Variants in CDH12 observed in about 807,000 individuals in gnomAD.
CDH12 encodes the protein cadherin 12.
A neutral mutation model predicts 74.1 loss-of-function variants in CDH12; 41 were observed. The observed-to-expected ratio is 0.55, with a 90% CI of 0.43 to 0.72. The LOEUF is 0.72. CDH12 is among the 30% of genes least tolerant of loss of function. The pLI, the probability that CDH12 is intolerant of heterozygous loss-of-function variation, is 0.00. For missense variants in CDH12, 945 were observed against 977.2 expected, an observed-to-expected ratio of 0.97 and a Z score of 0.44; for synonymous variants, 399 against 355.0, an observed-to-expected ratio of 1.12 and a Z score of -1.39.
intron 3 of CDH12, among the ~76,000 whole-genome samples, chr5:22,383,122 C>T (rs1477093886): frequency 6.6e-5 from 10 of 152,162 alleles, no homozygotes; most frequent in Non-Finnish European, 7.3e-5. Context: ...TGAGCCACTG[C>T]GCCCAGTCTC....
At chr5:22,438,307 G>A (rs1744488154) in intron 2 of CDH12, among the ~76,000 whole-genome samples, 2 of 151,940 alleles carry the variant, frequency 1.3e-5, no homozygotes, top group African/African-American at 2.4e-5. Flanking sequence ...ATGTAAAGAA[G>A]CTCCAATTCT....
At chr5:22,318,608 G>T (rs1451703264) in intron 3 of CDH12, among the ~76,000 whole-genome samples, 1 of 152,170 alleles carries the variant, frequency 6.6e-6, no homozygotes, top group Non-Finnish European at 1.5e-5. Context: ...CCAAGTAACA[G>T]GAATCAAGCT....
At chr5:21,871,321 A>G (rs991969861) in intron 6 of CDH12, among the ~76,000 whole-genome samples, 13 of 152,318 alleles carry the variant, frequency 8.5e-5, no homozygotes, top group African/African-American at 3.1e-4. Context: ...CCTCATTTGC[A>G]GAAAAGGTGA....
At chr5:22,137,791 A>G (rs1484797874) in intron 4 of CDH12, among the ~76,000 whole-genome samples, 2 of 152,084 alleles carry the variant, frequency 1.3e-5, no homozygotes, top group African/African-American at 4.8e-5. Context: ...ATAATTGCTT[A>G]AACAAAACTG....
At chr5:22,463,371 A>T (rs1373430581) in intron 2 of CDH12, among the ~76,000 whole-genome samples, 1 of 152,152 alleles carries the variant, frequency 6.6e-6, no homozygotes, top group African/African-American at 2.4e-5. Flanking sequence ...GTAAATTTAA[A>T]TATAGTCATA....
intron 1 of CDH12, among the ~76,000 whole-genome samples, chr5:22,823,374 A>T (rs1749827066): frequency 6.6e-6 from 1 of 152,084 alleles, no homozygotes; most frequent in South Asian, 2.1e-4. Flanking sequence ...CCTAAAACTT[A>T]AAGTATAATA....
intron 1 of CDH12, among the ~76,000 whole-genome samples, chr5:22,809,906 A>G (rs1749051413): frequency 1.3e-5 from 2 of 152,132 alleles, no homozygotes; most frequent in African/African-American, 4.8e-5. Flanking sequence ...CAATAAATAT[A>G]CTAATTCAAG....
At chr5:22,428,298 G>A (rs115753502) in intron 2 of CDH12, among the ~76,000 whole-genome samples, 110 of 151,766 alleles carry the variant, frequency 7.2e-4, no homozygotes, top group African/African-American at 2.5e-3. Context: ...TATCTATAGC[G>A]GAAACTCTCA....
At chr5:22,502,654 A>G (rs1291706187) in intron 2 of CDH12, among the ~76,000 whole-genome samples, 2 of 138,742 alleles carry the variant, frequency 1.4e-5, no homozygotes, top group Non-Finnish European at 3.2e-5. Flanking sequence ...ACACACACGC[A>G]CACACAGACA....
chr5:22,039,898 G>T (rs957408814), intron 5 of CDH12, among the ~76,000 whole-genome samples: 1 of 151,680 alleles, frequency 6.6e-6, no homozygotes, highest in African/African-American at 2.4e-5. Flanking sequence ...AGATATCAAG[G>T]TGGTGACATG....
At chr5:22,693,124 G>A (rs1176573447) in intron 1 of CDH12, among the ~76,000 whole-genome samples, 1 of 151,866 alleles carries the variant, frequency 6.6e-6, no homozygotes, top group Non-Finnish European at 1.5e-5. Context: ...TAGCTGGGAT[G>A]ACAAGCACAC....
intron 2 of CDH12, among the ~76,000 whole-genome samples, chr5:22,435,463 T>C (rs986986026): frequency 6.7e-6 from 1 of 149,938 alleles, no homozygotes; most frequent in Non-Finnish European, 1.5e-5. Flanking sequence ...CACAAATGTG[T>C]GTGTACACAC....
intron 3 of CDH12, among the ~76,000 whole-genome samples, chr5:22,384,320 T>C (rs889953106): frequency 9.9e-5 from 15 of 150,868 alleles, no homozygotes; most frequent in Admixed American, 7.3e-4. Flanking sequence ...GTCAGGAGAT[T>C]GAGACCATCC....
At chr5:22,577,649 T>C (rs761034887) in intron 1 of CDH12, among the ~76,000 whole-genome samples, 4 of 152,196 alleles carry the variant, frequency 2.6e-5, no homozygotes, top group Non-Finnish European at 4.4e-5. Flanking sequence ...AGAATGAGAT[T>C]GTATCTTCAA....
At position 22,494,196 on chromosome 5, in the gene CDH12, C is replaced by T. The variant is rs74367382; in HGVS notation, c.-428+11074G>A. 6.6e-5 allele frequency among the ~76,000 whole-genome samples: 10 copies of T among 152,296 alleles called. No individual in the cohort carries two copies. In the East Asian group the frequency reaches 1.7e-3, roughly 27 times the overall value. On this transcript the variant is annotated intron_variant, in intron 2 of 14. Transcript: ENST00000382254. Reference sequence around the variant, plus strand: ...AATGTCGAATCTGAGCCAGGGTCACCGTCTGTGCAGTTGGTGTGTTCTCCC... The same window carrying T: ...AATGTCGAATCTGAGCCAGGGTCACTGTCTGTGCAGTTGGTGTGTTCTCCC...
intron 3 of CDH12, among the ~76,000 whole-genome samples, chr5:22,320,556 G>A (rs929384741): frequency 1.3e-5 from 2 of 152,160 alleles, no homozygotes; most frequent in African/African-American, 4.8e-5. Flanking sequence ...GCATGCATAT[G>A]TGGAATACAA....
Position 22,656,900 on chromosome 5 carries a change from G to T in CDH12, c.-522-151536C>A, listed in dbSNP as rs554870515. Among the ~76,000 whole-genome samples, 334 of 152,112 alleles carry T rather than the reference G, an allele frequency of 2.2e-3. 3 individuals are homozygous for T. Among genetic ancestry groups the T allele is most frequent in the Middle Eastern group, 3.4e-3 (1 of 294 alleles). On this transcript the variant is annotated intron_variant, in intron 1 of 14. Transcript: ENST00000382254. ...TTGCTCAGGCTGGAGTGTGTGACAC[G>T]AACACAGCTCAGTGCAGCCTTGACC...
chr5:21,988,436 G>A lies in CDH12; in HGVS notation c.232-13051C>T, dbSNP rs186730269. Among the ~76,000 whole-genome samples, 4 of 132,198 alleles carry A rather than the reference G, an allele frequency of 3.0e-5. No individual in the cohort carries two copies. The Admixed American group carries it at 3.6e-4, about 12-fold the overall frequency. The allele number at this position is 132,198 out of a possible 152,430, so 86.7% of individuals were successfully genotyped here. A position where few individuals can be genotyped will look rare whatever the true frequency, so the allele number is the denominator to read the frequency against. ...GAACCCAGGAGGCGGAGGTTGCAGT[G>A]AGCCAAGATCATTGCACTGCACTCC... On this transcript the variant is annotated intron_variant, in intron 5 of 14. Coordinates refer to ENST00000382254, the MANE Select transcript of CDH12 (RefSeq NM_004061.5).
chr5:22,604,663 C>T (rs1378763708), intron 1 of CDH12, among the ~76,000 whole-genome samples: 4 of 152,184 alleles, frequency 2.6e-5, no homozygotes, highest in Non-Finnish European at 5.9e-5. Context: ...CACCAACCAA[C>T]ATGCTCTCAT....
Sources: allele counts gnomAD v4.1 joint callset (sites outside exome capture counted in the v4.1 genomes callset), GRCh38; gene constraint gnomAD v4.1.1; transcripts MANE v1.5; gene names NCBI Gene and HGNC (gene_info 2026-07-23, HGNC 2026-07-21).